Variants in SMARCA2 observed in about 807,000 individuals in gnomAD.
SMARCA2 encodes the protein SWI/SNF related BAF chromatin remodeling complex subunit ATPase 2.
Under a neutral mutation model 199.8 loss-of-function variants are expected in SMARCA2, and 61 were observed. That is an observed-to-expected ratio of 0.31 (90% confidence interval 0.25 to 0.38). The LOEUF (loss-of-function observed/expected upper bound fraction) is 0.38, where lower values mean the gene tolerates loss of function less well. SMARCA2 is among the 10% of genes least tolerant of loss of function. SMARCA2 has a pLI of 1.00. For missense variants in SMARCA2, 1,344 were observed against 2,012.2 expected, an observed-to-expected ratio of 0.67 and a Z score of 6.35; for synonymous variants, 935 against 732.0, an observed-to-expected ratio of 1.28 and a Z score of -4.48.
At chr9:2,065,844 A>T (rs893977225) in intron 9 of SMARCA2, among the ~76,000 whole-genome samples, 3 of 152,214 alleles carry the variant, frequency 2.0e-5, no homozygotes, top group African/African-American at 7.2e-5. Flanking sequence ...AGGCGAACAC[A>T]ATGCCACAGT....
intron 10 of SMARCA2, among the ~76,000 whole-genome samples, chr9:2,070,892 G>A (rs1004496807): frequency 6.6e-6 from 1 of 152,140 alleles, no homozygotes; most frequent in African/African-American, 2.4e-5. Context: ...CACATATTTG[G>A]TTAACTTATT....
chr9:2,151,979 G>C (rs1825105089), intron 27 of SMARCA2, among the ~76,000 whole-genome samples: 2 of 152,136 alleles, frequency 1.3e-5, no homozygotes, highest in Admixed American at 1.3e-4. Context: ...AGTGTGACTA[G>C]TATTCAGGCC....
At chr9:2,050,279 A>T (rs1271135351) in intron 5 of SMARCA2, among the ~76,000 whole-genome samples, 1 of 150,096 alleles carries the variant, frequency 6.7e-6, no homozygotes. Flanking sequence ...ATGGAACTTT[A>T]TTACTTCCAT....
At chr9:2,045,918 C>A (rs1819822157) in intron 4 of SMARCA2, 1 of 151,958 alleles carries the variant, frequency 6.6e-6, no homozygotes, top group Non-Finnish European at 1.5e-5. Context: ...TCTTCACATC[C>A]CCCTGTCAAA....
intron 28 of SMARCA2, among the ~76,000 whole-genome samples, chr9:2,163,312 C>A (rs1259055634): frequency 6.6e-6 from 1 of 152,164 alleles, no homozygotes; most frequent in African/African-American, 2.4e-5. Flanking sequence ...CCCTTTAAGG[C>A]TTCTGAAGTG....
Position 2,016,927 on chromosome 9 carries a change from C to T in SMARCA2, c.-37+1523C>T, listed in dbSNP as rs1180209746. Among the ~76,000 whole-genome samples the T allele has an allele frequency of 6.6e-6, 1 of 151,850 alleles. No individual in the cohort carries two copies. Among genetic ancestry groups the T allele is most frequent in the Admixed American group, 6.5e-5 (1 of 15,274 alleles). ...CTAAATAACCGGTCCGGCGCGCCAGCCCCTCGGCGCCCTCCGGCCGCAGGG... is the reference window on the plus strand; with the variant it reads ...CTAAATAACCGGTCCGGCGCGCCAGTCCCTCGGCGCCCTCCGGCCGCAGGG... On this transcript the variant is annotated intron_variant, in intron 1 of 33. Coordinates refer to ENST00000349721, the MANE Select transcript of SMARCA2 (RefSeq NM_003070.5). The surrounding 1 kb of genome is among the most constrained non-coding windows in gnomAD (Gnocchi z 5.6).
rs184819928 is a variant in SMARCA2, at chr9:2,124,002, G to A, written c.3981+65G>A. 7.0e-4 allele frequency: 922 copies of A among 1,309,356 alleles called. 3 individuals are homozygous for A. Among genetic ancestry groups the A allele is most frequent in the Middle Eastern group, 3.1e-3 (12 of 3,914 alleles). The allele number at this position is 1,309,356 out of a possible 1,614,324, so 81.1% of individuals were successfully genotyped here. A position where few individuals can be genotyped will look rare whatever the true frequency, so the allele number is the denominator to read the frequency against. ...GGTTTTTGGTGGCTTGGAGAAACCA[G>A]GGGCCTAGAGCTGGGATTTTCTGAG... On this transcript the variant is annotated intron_variant, in intron 27 of 33. Transcript: ENST00000349721.
intron 32 of SMARCA2, among the ~76,000 whole-genome samples, chr9:2,186,938 G>A (rs1827501332): frequency 1.3e-5 from 2 of 152,320 alleles, no homozygotes; most frequent in African/African-American, 4.8e-5. Context: ...TCTCAAACCT[G>A]GAGGGCTTGA....
At chr9:2,168,084 C>T (rs1047951578) in intron 28 of SMARCA2, among the ~76,000 whole-genome samples, 29 of 147,254 alleles carry the variant, frequency 2.0e-4, no homozygotes, top group African/African-American at 7.1e-4. Flanking sequence ...AGCTGGAGTG[C>T]AGTGGCAACA....
chr9:2,140,663 T>C (rs1432427739), intron 27 of SMARCA2, among the ~76,000 whole-genome samples: 1 of 152,210 alleles, frequency 6.6e-6, no homozygotes, highest in Non-Finnish European at 1.5e-5. Context: ...GAATCACCTA[T>C]AATCTCATTG....
chr9:2,055,355 G>C (rs1404701122), intron 6 of SMARCA2, among the ~76,000 whole-genome samples: 1 of 152,204 alleles, frequency 6.6e-6, no homozygotes, highest in East Asian at 1.9e-4. Context: ...AAATTAGTAA[G>C]AGACAAGTGG....
intron 29 of SMARCA2, among the ~76,000 whole-genome samples, chr9:2,180,633 A>C (rs1826957830): frequency 6.6e-6 from 1 of 152,232 alleles, no homozygotes; most frequent in Non-Finnish European, 1.5e-5. Context: ...ACTGTATCAC[A>C]CACCACAAGC....
intron 25 of SMARCA2, among the ~76,000 whole-genome samples, chr9:2,116,366 CT>C (rs1257773151): frequency 6.6e-6 from 1 of 152,138 alleles, no homozygotes; most frequent in Non-Finnish European, 1.5e-5. Context: ...GCAGAGGATA[CT>C]TTAGGGACAA....
chr9:2,166,064 C>G (rs757076187), intron 28 of SMARCA2, among the ~76,000 whole-genome samples: 5 of 152,232 alleles, frequency 3.3e-5, no homozygotes, highest in East Asian at 1.9e-4. Context: ...TGACCCCTAG[C>G]TATTTGTTCT....
chr9:2,075,002 T>G (rs1227826741), intron 12 of SMARCA2: 2 of 152,268 alleles, frequency 1.3e-5, no homozygotes, highest in African/African-American at 4.8e-5. Flanking sequence ...TGGAAGAAGC[T>G]TCTCTTTGAA....
intron 29 of SMARCA2, among the ~76,000 whole-genome samples, chr9:2,174,579 T>G (rs1051327484): frequency 1.3e-5 from 2 of 152,126 alleles, no homozygotes; most frequent in Non-Finnish European, 2.9e-5. Context: ...CTTTTTAATT[T>G]GGTCGCAATT....
At position 2,115,891 on chromosome 9, in the gene SMARCA2, A is replaced by G; in HGVS notation, c.3526A>G (p.Thr1176Ala). The G allele has an allele frequency of 6.2e-7, 1 of 1,614,140 alleles. No homozygotes were observed. The highest frequency in any genetic ancestry group is 8.5e-7 in the Non-Finnish European group (1 of 1,180,010). ...QNEVRVLRLC[T>A]VNSVEEKILA... is the part of the protein sequence containing the mutation. The stretch of plus-strand genomic sequence containing the variant: ...CGAGGTCCGGGTACTGAGGCTCTGT[A>G]CCGTGAACAGCGTGGAGGAAAAGAT... The change falls in exon 25 of 34, where the codon ACC (threonine) becomes GCC (alanine). Residue 1176 changes from threonine to alanine, a missense_variant. Thr to Ala is a moderately conservative substitution (Grantham distance 58, BLOSUM62 0). Coordinates refer to ENST00000349721, the MANE Select transcript of SMARCA2 (RefSeq NM_003070.5). The surrounding 1 kb of genome is among the most constrained non-coding windows in gnomAD (Gnocchi z 6.0).
Position 2,193,275 on chromosome 9 carries a change from TTCCA to T in SMARCA2, c.*538_*541del, listed in dbSNP as rs1280670449. The T allele has an allele frequency of 1.3e-5, 2 of 152,846 alleles. No individual in the cohort carries two copies. The highest frequency in any genetic ancestry group is 4.8e-5 in the African/African-American group (2 of 41,456). 9.5% of individuals were successfully genotyped at this position (152,846 alleles called of 1,614,324 possible). ...TTAGATTTCACCTGCATATACATTT[TTCCA>T]TTTTATGCTCTATGATCTGAACAAA... On this transcript the variant is annotated 3_prime_UTR_variant, in exon 34 of 34. Transcript: ENST00000349721.
chr9:2,117,441 T>C (rs1823261904), intron 25 of SMARCA2, among the ~76,000 whole-genome samples: 1 of 152,232 alleles, frequency 6.6e-6, no homozygotes, highest in African/African-American at 2.4e-5. Context: ...ATTCTAGAAA[T>C]TGAATATTTG....
Sources: allele counts gnomAD v4.1 joint callset (sites outside exome capture counted in the v4.1 genomes callset), GRCh38; gene constraint gnomAD v4.1.1; non-coding constraint Gnocchi (gnomAD v3.1); transcripts MANE v1.5; gene names NCBI Gene and HGNC (gene_info 2026-07-23, HGNC 2026-07-21).